The following EIF2D variants were observed in gnomAD, a reference collection of about 807,000 sequenced individuals.
EIF2D encodes hepatocellular carcinoma-associated antigen 56.
EIF2D carries 56 observed loss-of-function variants against 77.4 expected under a neutral mutation model. The ratio of observed to expected loss-of-function variants is 0.72; its 90% CI spans 0.58 to 0.90. The LOEUF is 0.90. Ranked by LOEUF, EIF2D falls within the 40% of genes least tolerant of loss-of-function variation. The pLI is 0.00. For missense variants in EIF2D, 574 were observed against 706.5 expected (o/e 0.81, Z 2.13); for synonymous variants, 230 against 271.0 (o/e 0.85, Z 1.49).
intron 4 of EIF2D, among the ~76,000 whole-genome samples, chr1:206,573,135 C>A (rs1553404533): frequency 6.6e-6 from 1 of 152,234 alleles, no homozygotes; most frequent in Non-Finnish European, 1.5e-5. Context: ...GATCTCATTT[C>A]ATCTTCACAA....
chr1:206,593,506 A>AGTGTGTGTGTGT (rs1286437460), intron 14 of EIF2D, 113 bp downstream of exon 14: 88 of 442,456 alleles, frequency 2.0e-4, no homozygotes, highest in Non-Finnish European at 2.7e-4. Context: ...AGAGAGAGAG[A>AGTGTGTGTGTGT]GAGTGTGTGT....
Position 206,592,467 on chromosome 1 carries a change from G to A in EIF2D, c.1685-622C>T, listed in dbSNP as rs541902529. ...AGGTCAGGTGGGCTTGGGCGTGGGA[G>A]GGCATCTTAGGCAAGGGGATAGCCC... On this transcript the variant is annotated intron_variant, in intron 14 of 14. Transcript: ENST00000271764. This position sits in a 1 kb window ranked among gnomAD's most constrained non-coding sequence, Gnocchi z 4.7. Among the ~76,000 whole-genome samples, 100 of 152,318 alleles carry A rather than the reference G, an allele frequency of 6.6e-4. 1 individual carries two copies. Among genetic ancestry groups the A allele is most frequent in the African/African-American group, 2.4e-3 (100 of 41,572 alleles).
intron 6 of EIF2D, 118 bp from the exon 7 acceptor site, chr1:206,602,571 C>T (rs1669976464): frequency 1.1e-6 from 1 of 887,786 alleles, no homozygotes; most frequent in Non-Finnish European, 1.8e-6. Flanking sequence ...GAACCCATTC[C>T]CAGGTACCAA....
At chr1:206,575,971 C>A (rs888890360) in intron 4 of EIF2D, among the ~76,000 whole-genome samples, 1 of 152,154 alleles carries the variant, frequency 6.6e-6, no homozygotes, top group African/African-American at 2.4e-5. Context: ...GCCTGAGACT[C>A]CCCAGGCTGT....
At chr1:206,586,565 G>T in intron 2 of EIF2D, 1 of 350,136 alleles carries the variant, frequency 2.9e-6, no homozygotes, top group Non-Finnish European at 5.3e-6. Context: ...AGAAACTTAA[G>T]ATTATTGAGT....
In EIF2D at chr1:206,575,172, G is replaced by C. The variant is rs1205576926; in HGVS notation, c.*255-2473C>G. Among the ~76,000 whole-genome samples the C allele has an allele frequency of 7.2e-5, 11 of 152,216 alleles. No homozygotes were observed. The South Asian group carries it at 2.1e-3, about 29-fold the overall frequency. On this transcript the variant is annotated intron_variant and NMD_transcript_variant, in intron 4 of 5. Transcript: ENST00000472709. ...CCAGATAGATGGGTGTCTGCCCCTT[G>C]CCTGCAGACGTTCCCATCTAGGGCA...
rs368001660 is a variant in EIF2D, at chr1:206,612,393, G to A, written c.-51C>T. 2.1e-4 allele frequency: 338 copies of A among 1,612,192 alleles called. No individual in the cohort carries two copies. Among genetic ancestry groups the A allele is most frequent in the Non-Finnish European group, 2.4e-4 (277 of 1,178,344 alleles). ...GAGCACAGAAGCCAGGGAATGTCAA[G>A]AAAGCGAGGGCGCAGCAGCTGCCAG... On this transcript the variant is annotated 5_prime_UTR_variant, in exon 1 of 15. Coordinates refer to ENST00000271764, the MANE Select transcript of EIF2D (RefSeq NM_006893.3).
At chr1:206,595,164 A>C (rs1273921429) in intron 13 of EIF2D, 1 of 152,504 alleles carries the variant, frequency 6.6e-6, no homozygotes, top group Non-Finnish European at 1.5e-5. Context: ...ACTACTACAA[A>C]GTTCTTGAGT....
chr1:206,611,165 C>T lies in EIF2D; in HGVS notation c.247+19G>A, dbSNP rs1553413877. The T allele has an allele frequency of 1.3e-6, 2 of 1,598,744 alleles. No individual in the cohort carries two copies. The highest frequency in any genetic ancestry group is 1.7e-6 in the Non-Finnish European group (2 of 1,169,590). The stretch of plus-strand genomic sequence containing the variant: ...AGAACTACCTAATGGTAATGGCCAT[C>T]TTCGTCCTGTTGTCATACCTGTTGG... On this transcript the variant is annotated intron_variant, in intron 2 of 14. Coordinates refer to ENST00000271764, the MANE Select transcript of EIF2D (RefSeq NM_006893.3).
At chr1:206,585,214 C>T in intron 2 of EIF2D, 4 of 1,614,186 alleles carry the variant, frequency 2.5e-6, no homozygotes, top group Non-Finnish European at 3.4e-6. Flanking sequence ...CTGACCGCCC[C>T]CTCTACCTGC....
At chr1:206,609,537 G>T in intron 2 of EIF2D, 78 bp from the exon 3 acceptor site, 1 of 1,196,120 alleles carries the variant, frequency 8.4e-7, no homozygotes, top group Non-Finnish European at 1.2e-6. Context: ...TAACACTATG[G>T]TCACTTTAAT....
chr1:206,592,302 G>C lies in EIF2D; in HGVS notation c.1685-457C>G, dbSNP rs2102272175. ...GCAGCTCAGTCTGGCAGGAGGTTCA[G>C]ACATTAGAAAAAATTAGCCAAGCTG... is the stretch of plus-strand genomic sequence containing the variant. On this transcript the variant is annotated intron_variant, in intron 14 of 14. Coordinates refer to ENST00000271764, the MANE Select transcript of EIF2D (RefSeq NM_006893.3). The surrounding 1 kb of genome is among the most constrained non-coding windows in gnomAD (Gnocchi z 4.7). Among the ~76,000 whole-genome samples, 1 of 152,334 alleles carries C rather than the reference G, an allele frequency of 6.6e-6. No homozygotes were observed.
chr1:206,589,261 C>T (rs782084488), downstream of EIF2D: 3 of 152,600 alleles, frequency 2.0e-5, no homozygotes, highest in Non-Finnish European at 4.4e-5. Context: ...TAATAAAAGC[C>T]TGTTGCAAAA....
intron 2 of EIF2D, among the ~76,000 whole-genome samples, chr1:206,582,731 A>G (rs988832428): frequency 5.9e-5 from 9 of 152,302 alleles, no homozygotes; most frequent in African/African-American, 2.2e-4. Flanking sequence ...ACTGGTCTCT[A>G]TGTGTCCTTG....
At chr1:206,590,590 G>T (rs1248420808), downstream of EIF2D, among the ~76,000 whole-genome samples, 1 of 152,096 alleles carries the variant, frequency 6.6e-6, no homozygotes, top group African/African-American at 2.4e-5. Context: ...GCTCATGCCG[G>T]TAGAGATAGG....
At chr1:206,610,573 C>G (rs1433243508) in intron 2 of EIF2D, among the ~76,000 whole-genome samples, 1 of 152,016 alleles carries the variant, frequency 6.6e-6, no homozygotes, top group Non-Finnish European at 1.5e-5. Context: ...GTAATTCCAG[C>G]ACTTTGGGAG....
chr1:206,591,654 TA>T lies in EIF2D; in HGVS notation c.*120del. The T allele has an allele frequency of 1.1e-6, 1 of 928,030 alleles. No homozygotes were observed. The highest frequency in any genetic ancestry group is 1.7e-6 in the Non-Finnish European group (1 of 600,498). The allele number at this position is 928,030 out of a possible 1,614,324, so 57.5% of individuals were successfully genotyped here. ...GAGGGAAGTCAGATTTAGATTAGAA[TA>T]AAAATTTATTTTTGTAAAGAATTAT... On this transcript the variant is annotated 3_prime_UTR_variant, in exon 15 of 15. Coordinates refer to ENST00000271764, the MANE Select transcript of EIF2D (RefSeq NM_006893.3).
chr1:206,576,156 C>T (rs1414140750), intron 4 of EIF2D, among the ~76,000 whole-genome samples: 1 of 152,232 alleles, frequency 6.6e-6, no homozygotes, highest in Non-Finnish European at 1.5e-5. Flanking sequence ...AATCATTAAA[C>T]AATAAAAGGC....
rs782512577 is a variant in EIF2D at position 206,593,753 on chromosome 1, G to A, written c.1550C>T (p.Pro517Leu). The change falls in exon 14 of 15, where the codon CCA (proline) becomes CTA (leucine). Residue 517 changes from proline (P) to leucine (L), a missense_variant. Coordinates refer to ENST00000271764, the MANE Select transcript of EIF2D (RefSeq NM_006893.3). Reference protein sequence around the residue: ...VRNLEAYGLDPYSVAAILQQR... With the variant: ...VRNLEAYGLDLYSVAAILQQR... ...CTGAAGGATGGCAGCCACTGAGTAT[G>A]GGTCCAGACCATAGGCCTCCAAGTT... 6.2e-7 allele frequency: 1 copy of A among 1,613,334 alleles called. No homozygotes were observed. Among genetic ancestry groups the A allele is most frequent in the Non-Finnish European group, 8.5e-7 (1 of 1,179,678 alleles).
Sources: gnomAD v4.1 joint callset for allele counts (sites outside exome capture counted in the v4.1 genomes callset) on GRCh38, gnomAD v4.1.1 for gene constraint, Gnocchi (gnomAD v3.1) non-coding constraint, MANE v1.5 for transcripts, NCBI Gene and HGNC (gene_info 2026-07-23, HGNC 2026-07-21) for gene names.